The following SDC3 variants were observed in gnomAD, a reference collection of about 807,000 sequenced individuals.
The protein encoded by SDC3 is syndecan 3.
A neutral mutation model predicts 24.4 loss-of-function variants in SDC3; 13 were observed. The observed-to-expected ratio is 0.53, with a 90% CI of 0.35 to 0.85. The LOEUF is 0.85. Among genes scored for constraint, SDC3 ranks in the 40% least tolerant of loss-of-function variants. SDC3 has a pLI of 0.01. For missense variants in SDC3, 571 were observed against 584.5 expected (o/e 0.98, Z 0.24); for synonymous variants, 295 against 260.9 (o/e 1.13, Z -1.26).
intron 1 of SDC3, among the ~76,000 whole-genome samples, chr1:30,895,083 G>T (rs1191305554): frequency 6.6e-6 from 1 of 152,056 alleles, no homozygotes; most frequent in African/African-American, 2.4e-5. Context: ...ACAGTGTTGC[G>T]GGTAAGCCCC....
At chr1:30,899,652 G>A (rs965256180) in intron 1 of SDC3, among the ~76,000 whole-genome samples, 11 of 152,186 alleles carry the variant, frequency 7.2e-5, no homozygotes, top group Non-Finnish European at 1.6e-4. Context: ...TTACAGGCGT[G>A]AGCTACCTCG....
At chr1:30,904,509 CT>C (rs1008875626) in intron 1 of SDC3, among the ~76,000 whole-genome samples, 2 of 151,880 alleles carry the variant, frequency 1.3e-5, no homozygotes, top group African/African-American at 4.8e-5. Context: ...TTTTCTTTCA[CT>C]TTTTTTTCCA....
chr1:30,899,733 T>A (rs1355180147), intron 1 of SDC3, among the ~76,000 whole-genome samples: 1 of 151,964 alleles, frequency 6.6e-6, no homozygotes, highest in African/African-American at 2.4e-5. Context: ...GGGTAGGGCT[T>A]CCTCCCTGCT....
chr1:30,876,981 T>C lies in SDC3; in HGVS notation c.441A>G (p.Glu147=). 1.2e-6 allele frequency: 2 copies of C among 1,613,666 alleles called. No individual in the cohort carries two copies. The highest frequency in any genetic ancestry group is 1.7e-6 in the Non-Finnish European group (2 of 1,179,920). Residue 147 remains glutamate (E), a synonymous_variant, in exon 3 of 5, where the codon GAA becomes GAG. Transcript: ENST00000339394. ...EPATSPLVVT[E]VPEEPSQRAT... is the part of the protein sequence containing the mutation. ...CTCTCTGGCTGGGCTCTTCCGGGAC[T>C]TCTGTCACCACCAGGGGGCTGGTGG...
At position 30,876,826 on chromosome 1, in the gene SDC3, G is replaced by A. The variant is rs1353451422; in HGVS notation, c.596C>T (p.Thr199Ile). The change falls in exon 3 of 5, where the codon ACC becomes ATC. Residue 199 changes from threonine (T) to isoleucine (I), a missense_variant. Transcript: ENST00000339394. Reference sequence around the variant, plus strand: ...GCCAGTGGTCCTTATAACAGCAGTGGTGGCCGTAAAAGGGGGTGCTGCAGG... The same window carrying A: ...GCCAGTGGTCCTTATAACAGCAGTGATGGCCGTAAAAGGGGGTGCTGCAGG... ...STPAAPPFTATTAVIRTTGVR... is the reference protein window; with the variant it reads ...STPAAPPFTAITAVIRTTGVR... 3.1e-6 allele frequency: 5 copies of A among 1,611,634 alleles called. No homozygotes were observed. The highest frequency in any genetic ancestry group is 4.5e-5 in the East Asian group (2 of 44,858).
intron 3 of SDC3, among the ~76,000 whole-genome samples, chr1:30,875,298 ACACAGCGTG>A (rs1639619143): frequency 6.6e-6 from 1 of 152,230 alleles, no homozygotes; most frequent in Admixed American, 6.5e-5. Flanking sequence ...GCCCCAGCGT[ACACAGCGTG>A]CACAATGGCT....
intron 1 of SDC3, 89 bp downstream of exon 1, chr1:30,908,360 C>T: frequency 1.5e-6 from 1 of 653,066 alleles, no homozygotes; most frequent in Non-Finnish European, 1.7e-6. Context: ...AGCGGGGTCC[C>T]GGAGGGGGGG....
At position 30,908,104 on chromosome 1, in the gene SDC3, G is replaced by A. The variant is rs894365790; in HGVS notation, c.138+345C>T. The stretch of plus-strand genomic sequence containing the variant: ...AGACAGTTCCCGGAGCCACTGGGAG[G>A]TGGGGGAACAGGGCTGAGGACCCGC... On this transcript the variant is annotated intron_variant, in intron 1 of 4. Coordinates refer to ENST00000339394, the MANE Select transcript of SDC3 (RefSeq NM_014654.4). Among the ~76,000 whole-genome samples the A allele has an allele frequency of 7.2e-5, 11 of 152,260 alleles. No individual in the cohort carries two copies. In the East Asian group the frequency reaches 2.1e-3, roughly 30 times the overall value.
rs1159540978 is a variant in SDC3 at position 30,872,152 on chromosome 1, G to A, written c.*1059C>T. ...ACCATGGCATGGGACTGAGTATGAC[G>A]GGGCAACTTAGGGGGACCCAATATG... On this transcript the variant is annotated 3_prime_UTR_variant, in exon 5 of 5. Transcript: ENST00000339394. 2.6e-5 allele frequency: 4 copies of A among 152,314 alleles called. No individual in the cohort carries two copies. Among genetic ancestry groups the A allele is most frequent in the East Asian group, 3.9e-4 (2 of 5,194 alleles). The allele number at this position is 152,314 out of a possible 1,614,324, so 9.4% of individuals were successfully genotyped here. A position where few individuals can be genotyped will look rare whatever the true frequency, so the allele number is the denominator to read the frequency against.
At chr1:30,890,373 G>A (rs1465636071) in intron 1 of SDC3, among the ~76,000 whole-genome samples, 2 of 152,188 alleles carry the variant, frequency 1.3e-5, no homozygotes, top group African/African-American at 4.8e-5. Context: ...ATTATGTTAA[G>A]TGAAAGAAAT....
intron 1 of SDC3, among the ~76,000 whole-genome samples, chr1:30,899,649 C>T (rs530067588): frequency 3.0e-4 from 45 of 152,320 alleles, no homozygotes; most frequent in African/African-American, 7.9e-4. Context: ...GGATTACAGG[C>T]GTGAGCTACC....
chr1:30,889,898 G>A (rs917552030), intron 1 of SDC3, among the ~76,000 whole-genome samples: 1 of 152,056 alleles, frequency 6.6e-6, no homozygotes, highest in African/African-American at 2.4e-5. Context: ...ACCAAAAAAG[G>A]TAGCATTATT....
At position 30,908,521 on chromosome 1, in the gene SDC3, C is replaced by T. The variant is rs1489523180; in HGVS notation, c.66G>A (p.Ala22=). The change falls in exon 1 of 5, where the codon GCG becomes GCA. Residue 22 remains alanine (A), a synonymous_variant. Coordinates refer to ENST00000339394, the MANE Select transcript of SDC3 (RefSeq NM_014654.4). ...AHGAGAGAGA[A]AGPGARGLLL... The stretch of plus-strand genomic sequence containing the variant: ...GCAGCCCGCGGGCCCCGGGCCCGGC[C>T]GCGGCCCCGGCCCCGGCGCCGGCCC... The T allele has an allele frequency of 1.0e-6, 1 of 974,882 alleles. No individual in the cohort carries two copies. The highest frequency in any genetic ancestry group is 1.2e-6 in the Non-Finnish European group (1 of 825,118). The allele number at this position is 974,882 out of a possible 1,614,324, so 60.4% of individuals were successfully genotyped here.
At chr1:30,880,568 G>A (rs544293354) in intron 1 of SDC3, 1 of 152,294 alleles carries the variant, frequency 6.6e-6, no homozygotes, top group East Asian at 1.9e-4. Flanking sequence ...AGGGTGTGCA[G>A]GGGGAGGAAC....
chr1:30,899,927 C>A (rs190806070), intron 1 of SDC3, among the ~76,000 whole-genome samples: 1 of 152,196 alleles, frequency 6.6e-6, no homozygotes, highest in Non-Finnish European at 1.5e-5. Context: ...GAGTGAGCAA[C>A]GCAGTCAATC....
intron 1 of SDC3, among the ~76,000 whole-genome samples, chr1:30,892,442 GGAAT>G (rs71916891): frequency 0.19 from 28,282 of 151,484 alleles, 3,346 homozygotes; most frequent in East Asian, 0.38. Flanking sequence ...AGGCCCCCAG[GGAAT>G]GAATGAATGA....
chr1:30,902,774 C>G (rs1357012815), intron 1 of SDC3, among the ~76,000 whole-genome samples: 1 of 152,186 alleles, frequency 6.6e-6, no homozygotes, highest in African/African-American at 2.4e-5. Flanking sequence ...ACTGAAGGCC[C>G]GCCCGATGCA....
Position 30,873,019 on chromosome 1 carries a change from G to A in SDC3, c.*192C>T. 4.9e-6 allele frequency: 3 copies of A among 607,476 alleles called. No individual in the cohort carries two copies. Among genetic ancestry groups the A allele is most frequent in the Non-Finnish European group, 8.8e-6 (3 of 340,300 alleles). 37.6% of individuals were successfully genotyped at this position (607,476 alleles called of 1,614,324 possible). Reference sequence around the variant, plus strand: ...TGAGCTCGTAAGGGCACAGTCTGGGGCAGATGGCAGCAGCCCCTCTTCCTC... The same window carrying A: ...TGAGCTCGTAAGGGCACAGTCTGGGACAGATGGCAGCAGCCCCTCTTCCTC... On this transcript the variant is annotated 3_prime_UTR_variant, in exon 5 of 5. Coordinates refer to ENST00000339394, the MANE Select transcript of SDC3 (RefSeq NM_014654.4).
At chr1:30,884,556 G>C (rs1639801077) in intron 1 of SDC3, among the ~76,000 whole-genome samples, 1 of 151,880 alleles carries the variant, frequency 6.6e-6, no homozygotes, top group South Asian at 2.1e-4. Flanking sequence ...CATCCCCCCA[G>C]GATGCCCTTT....
Sources: allele counts gnomAD v4.1 joint callset (sites outside exome capture counted in the v4.1 genomes callset), GRCh38; gene constraint gnomAD v4.1.1; transcripts MANE v1.5; gene names NCBI Gene and HGNC (gene_info 2026-07-23, HGNC 2026-07-21).